The following GLRA1 variants were observed in gnomAD, a reference collection of about 807,000 sequenced individuals.
GLRA1 encodes glycine receptor subunit alpha-1.
GLRA1 carries 37 observed loss-of-function variants against 48.3 expected under a neutral mutation model. The observed-to-expected ratio is 0.77, with a 90% CI of 0.59 to 1.01. The LOEUF is 1.01. Ranked by LOEUF, GLRA1 falls within the 50% of genes least tolerant of loss-of-function variation. The pLI, the probability that GLRA1 is intolerant of heterozygous loss-of-function variation, is 0.00. For synonymous variants in GLRA1, 196 were observed against 210.7 expected (o/e 0.93, Z 0.60); for missense variants, 427 against 571.0 (o/e 0.75, Z 2.57).
chr5:151,830,103 G>A (rs1763386484), intron 7 of GLRA1, among the ~76,000 whole-genome samples: 1 of 152,156 alleles, frequency 6.6e-6, no homozygotes, highest in Non-Finnish European at 1.5e-5. Context: ...CCCTATTCCT[G>A]TCATAATCTA....
chr5:151,874,702 G>C (rs960601281), intron 3 of GLRA1, among the ~76,000 whole-genome samples: 1 of 152,156 alleles, frequency 6.6e-6, no homozygotes, highest in African/African-American at 2.4e-5. Flanking sequence ...CTGGAAGAGA[G>C]GGATATTTTT....
chr5:151,888,648 G>A (rs1373357487), intron 2 of GLRA1, among the ~76,000 whole-genome samples: 1 of 152,096 alleles, frequency 6.6e-6, no homozygotes, highest in Non-Finnish European at 1.5e-5. Flanking sequence ...AGATTCTTTG[G>A]CCCAACCCCA....
chr5:151,847,745 A>T (rs1356206642), intron 7 of GLRA1, among the ~76,000 whole-genome samples: 3 of 152,024 alleles, frequency 2.0e-5, no homozygotes, highest in Non-Finnish European at 4.4e-5. Flanking sequence ...AAAAAAGTGA[A>T]TTAAGCAGAA....
chr5:151,885,225 T>C (rs1030623643), intron 3 of GLRA1, among the ~76,000 whole-genome samples: 1 of 152,220 alleles, frequency 6.6e-6, no homozygotes, highest in East Asian at 1.9e-4. Context: ...AGCAATATAA[T>C]TGATTTGGTT....
intron 7 of GLRA1, chr5:151,848,871 G>GA (rs1401909361): frequency 3.2e-6 from 2 of 623,788 alleles, no homozygotes; most frequent in African/African-American, 3.7e-5. Context: ...TCAGCGCCCA[G>GA]AACACCTTCC....
At chr5:151,903,597 C>G (rs903394360) in intron 1 of GLRA1, among the ~76,000 whole-genome samples, 1 of 152,112 alleles carries the variant, frequency 6.6e-6, no homozygotes, top group African/African-American at 2.4e-5. Flanking sequence ...ACCTAGTCAT[C>G]CTGTGCATTA....
At chr5:151,878,199 G>A (rs942621976) in intron 3 of GLRA1, among the ~76,000 whole-genome samples, 6 of 152,124 alleles carry the variant, frequency 3.9e-5, no homozygotes, top group African/African-American at 9.7e-5. Context: ...CAAAGGTGAC[G>A]CTTGTTATGT....
intron 1 of GLRA1, among the ~76,000 whole-genome samples, chr5:151,922,615 C>T (rs1052390086): frequency 6.6e-6 from 1 of 152,226 alleles, no homozygotes; most frequent in Non-Finnish European, 1.5e-5. Context: ...TGTGCGTTCA[C>T]GCACGTAGGG....
intron 1 of GLRA1, among the ~76,000 whole-genome samples, chr5:151,898,966 A>G (rs956480352): frequency 6.6e-6 from 1 of 152,166 alleles, no homozygotes; most frequent in Non-Finnish European, 1.5e-5. Flanking sequence ...GGTAGAAGGA[A>G]CAGCATGTGT....
chr5:151,886,769 G>A lies in GLRA1; in HGVS notation c.204C>T (p.Ser68=). 3 of 1,613,434 alleles carry A rather than the reference G, an allele frequency of 1.9e-6. No individual in the cohort carries two copies. Among genetic ancestry groups the A allele is most frequent in the South Asian group, 1.1e-5 (1 of 91,066 alleles). Residue 68 remains serine, a synonymous_variant, in exon 3 of 9, where the codon AGC becomes AGT. Coordinates refer to ENST00000274576, the MANE Select transcript of GLRA1 (RefSeq NM_000171.4). ...CAAAGCTGTTGATGAAAATGTTGCA[G>A]CTCACGTTCACTGGGGGACCTGCCA... ...PNFKGPPVNV[S]CNIFINSFGS...
intron 3 of GLRA1, among the ~76,000 whole-genome samples, chr5:151,866,088 C>G (rs921052641): frequency 2.0e-5 from 3 of 152,206 alleles, no homozygotes; most frequent in Admixed American, 6.5e-5. Flanking sequence ...GGTTCCACCT[C>G]TGAGAGCTGG....
intron 7 of GLRA1, chr5:151,850,626 A>G: frequency 2.0e-6 from 3 of 1,472,166 alleles, no homozygotes; most frequent in Non-Finnish European, 1.9e-6. Flanking sequence ...GGTGTAGCCA[A>G]TCGTAGTGCC....
chr5:151,876,865 G>A (rs1468999535), intron 3 of GLRA1, among the ~76,000 whole-genome samples: 1 of 152,250 alleles, frequency 6.6e-6, no homozygotes, highest in East Asian at 1.9e-4. Flanking sequence ...GGTTAAATGA[G>A]GTCATGAGGG....
intron 1 of GLRA1, among the ~76,000 whole-genome samples, chr5:151,896,714 G>A (rs975875623): frequency 3.0e-4 from 45 of 152,114 alleles, no homozygotes; most frequent in African/African-American, 1.1e-3. Context: ...ACCTCTATTA[G>A]TCACTTAATT....
chr5:151,924,419 C>T, intron 1 of GLRA1, 75 bp downstream of exon 1: 1 of 921,738 alleles, frequency 1.1e-6, no homozygotes, highest in Non-Finnish European at 1.8e-6. Flanking sequence ...ATGATGGGAC[C>T]ACGGACAGAG....
chr5:151,883,997 C>G (rs918399304), intron 3 of GLRA1, among the ~76,000 whole-genome samples: 1 of 152,018 alleles, frequency 6.6e-6, no homozygotes, highest in African/African-American at 2.4e-5. Flanking sequence ...AACCAAGGCT[C>G]AAAGAAGTCT....
Position 151,851,432 on chromosome 5 carries a change from G to C in GLRA1, c.870C>G (p.Thr290=). ...GAGAGCCGGAGCTCTGGGTGGTCAT[G>C]GTGAGCACAGTGGTGATGCCTAGGC... ...RVGLGITTVL[T]MTTQSSGSRA... is the part of the protein sequence containing the mutation. Residue 290 remains threonine (T), a synonymous_variant, in exon 7 of 9, where the codon ACC becomes ACG. Transcript: ENST00000274576. 1 of 1,613,996 alleles carries C rather than the reference G, an allele frequency of 6.2e-7. No homozygotes were observed. The highest frequency in any genetic ancestry group is 8.5e-7 in the Non-Finnish European group (1 of 1,179,976).
chr5:151,838,905 G>A (rs182574846), intron 7 of GLRA1, among the ~76,000 whole-genome samples: 4 of 152,144 alleles, frequency 2.6e-5, no homozygotes, highest in Non-Finnish European at 4.4e-5. Context: ...ATGGAGTCTC[G>A]CTCTGTTGCC....
intron 6 of GLRA1, among the ~76,000 whole-genome samples, chr5:151,852,429 A>G (rs1192365152): frequency 6.6e-6 from 1 of 152,204 alleles, no homozygotes; most frequent in Non-Finnish European, 1.5e-5. Flanking sequence ...TAATACAGTG[A>G]GTGAATGGGC....
Sources: allele counts gnomAD v4.1 joint callset (sites outside exome capture counted in the v4.1 genomes callset), GRCh38; gene constraint gnomAD v4.1.1; transcripts MANE v1.5; gene names NCBI Gene and HGNC (gene_info 2026-07-23, HGNC 2026-07-21).